PALLD: variants seen among roughly 807,000 people sequenced by gnomAD.
The protein encoded by PALLD is palladin.
In PALLD, 61 loss-of-function variants were observed where a neutral mutation model predicts 123.5. The ratio of observed to expected loss-of-function variants is 0.49; its 90% CI spans 0.40 to 0.61. The LOEUF is 0.61. PALLD is among the 20% of genes least tolerant of loss of function. The pLI, the probability that PALLD is intolerant of heterozygous loss-of-function variation, is 0.00. For missense variants in PALLD, 1,273 were observed against 1,377.0 expected, an observed-to-expected ratio of 0.92 and a Z score of 1.20; for synonymous variants, 465 against 496.4, an observed-to-expected ratio of 0.94 and a Z score of 0.84.
intron 10 of PALLD, among the ~76,000 whole-genome samples, chr4:168,782,204 A>C (rs1328795250): frequency 6.6e-6 from 1 of 152,258 alleles, no homozygotes; most frequent in Non-Finnish European, 1.5e-5. Flanking sequence ...GAGGCGCAAC[A>C]GAACTTCACG....
chr4:168,664,803 G>A (rs1023905253), intron 2 of PALLD, among the ~76,000 whole-genome samples: 1 of 148,236 alleles, frequency 6.7e-6, no homozygotes, highest in Non-Finnish European at 1.5e-5. Context: ...CAAATATTTT[G>A]ATGGCAGGCT....
chr4:168,627,462 A>G (rs1423131366), intron 2 of PALLD, among the ~76,000 whole-genome samples: 1 of 152,138 alleles, frequency 6.6e-6, no homozygotes, highest in Non-Finnish European at 1.5e-5. Context: ...GTGAGCCAAG[A>G]TTGTACAATT....
chr4:168,551,031 G>A (rs1262094452), intron 2 of PALLD, among the ~76,000 whole-genome samples: 2 of 152,276 alleles, frequency 1.3e-5, no homozygotes, highest in Non-Finnish European at 2.9e-5. Flanking sequence ...AAAGTTTAGA[G>A]TTATCTATGC....
In PALLD at chr4:168,901,645, G is replaced by A. The variant is rs545357569; in HGVS notation, c.2473-2112G>A. 5.9e-5 allele frequency among the ~76,000 whole-genome samples: 9 copies of A among 152,154 alleles called. No homozygotes were observed. The South Asian group carries it at 1.7e-3, about 28-fold the overall frequency. Reference sequence around the variant, plus strand: ...GGCTGAGGCAGGCAGATCTCTTGAGGTCAGGAGTTTAAGAACAGCCTGGCC... The same window carrying A: ...GGCTGAGGCAGGCAGATCTCTTGAGATCAGGAGTTTAAGAACAGCCTGGCC... On this transcript the variant is annotated intron_variant, in intron 14 of 21. Coordinates refer to ENST00000505667, the MANE Select transcript of PALLD (RefSeq NM_001166108.2).
At chr4:168,725,528 T>C (rs1319849252) in intron 10 of PALLD, among the ~76,000 whole-genome samples, 3 of 137,900 alleles carry the variant, frequency 2.2e-5, no homozygotes, top group Non-Finnish European at 4.7e-5. Context: ...ATTTCTTTTT[T>C]TTTTTTTTTT....
At chr4:168,773,535 A>T (rs1392752) in intron 10 of PALLD, among the ~76,000 whole-genome samples, 2 of 152,114 alleles carry the variant, frequency 1.3e-5, no homozygotes, top group African/African-American at 2.4e-5. Context: ...CAGCATTTTC[A>T]TCACTGCCAC....
intron 9 of PALLD, among the ~76,000 whole-genome samples, chr4:168,709,836 G>C (rs997737335): frequency 6.6e-6 from 1 of 151,946 alleles, no homozygotes; most frequent in Non-Finnish European, 1.5e-5. Flanking sequence ...CACACAGGGG[G>C]CTTTCTTTAA....
At chr4:168,555,000 T>A (rs987486138) in intron 2 of PALLD, among the ~76,000 whole-genome samples, 1 of 152,206 alleles carries the variant, frequency 6.6e-6, no homozygotes, top group Non-Finnish European at 1.5e-5. Context: ...TAATTTTGAG[T>A]GATTTTTTGT....
chr4:168,658,290 T>G (rs1276236004), intron 2 of PALLD, among the ~76,000 whole-genome samples: 3 of 148,396 alleles, frequency 2.0e-5, no homozygotes, highest in Non-Finnish European at 4.5e-5. Flanking sequence ...ATTTGGTTTT[T>G]TTTTTTTTTT....
At chr4:168,673,711 G>C (rs1021521519) in intron 3 of PALLD, among the ~76,000 whole-genome samples, 2 of 152,142 alleles carry the variant, frequency 1.3e-5, no homozygotes, top group Non-Finnish European at 2.9e-5. Context: ...TTCAGAGGCA[G>C]GTCCAAAACC....
At chr4:168,924,662 G>A (rs1012584528) in intron 19 of PALLD, among the ~76,000 whole-genome samples, 2 of 152,122 alleles carry the variant, frequency 1.3e-5, no homozygotes, top group African/African-American at 4.8e-5. Context: ...CTATCTAAAA[G>A]AAAAGATGAA....
At chr4:168,893,729 A>T (rs1161267788) in intron 11 of PALLD, among the ~76,000 whole-genome samples, 1 of 152,212 alleles carries the variant, frequency 6.6e-6, no homozygotes, top group East Asian at 1.9e-4. Context: ...GTATCACCCC[A>T]ACAGTCACAC....
chr4:168,742,571 A>G (rs1410676446), intron 10 of PALLD, among the ~76,000 whole-genome samples: 1 of 152,230 alleles, frequency 6.6e-6, no homozygotes, highest in Non-Finnish European at 1.5e-5. Context: ...TGTTCCATGA[A>G]CATACCGGAC....
chr4:168,904,087 T>C, intron 15 of PALLD, 181 bp downstream of exon 15: 1 of 632,204 alleles, frequency 1.6e-6, no homozygotes. Flanking sequence ...TCATGAATAC[T>C]TATTTATTCC....
chr4:168,737,138 C>CA (rs1281243205), intron 10 of PALLD, among the ~76,000 whole-genome samples: 1 of 152,198 alleles, frequency 6.6e-6, no homozygotes, highest in Non-Finnish European at 1.5e-5. Context: ...CTCTTTTAAA[C>CA]ACCCAGATTT....
At chr4:168,902,774 T>C (rs1293498411) in intron 14 of PALLD, among the ~76,000 whole-genome samples, 1 of 152,194 alleles carries the variant, frequency 6.6e-6, no homozygotes, top group African/African-American at 2.4e-5. Context: ...TTTACTTTTA[T>C]TTTTTACATT....
intron 2 of PALLD, among the ~76,000 whole-genome samples, chr4:168,642,558 C>A (rs540333646): frequency 6.6e-6 from 1 of 152,118 alleles, no homozygotes; most frequent in Non-Finnish European, 1.5e-5. Context: ...CCCGCCACCA[C>A]GCCCAGCTAA....
In PALLD at chr4:168,894,363, T is replaced by C; in HGVS notation, c.2101-216T>C. 3 of 574,018 alleles carry C rather than the reference T, an allele frequency of 5.2e-6. No homozygotes were observed. In the South Asian group the frequency reaches 6.0e-5, roughly 11 times the overall value. The allele number at this position is 574,018 out of a possible 1,614,324, so 35.6% of individuals were successfully genotyped here. On this transcript the variant is annotated intron_variant, in intron 11 of 21. Coordinates refer to ENST00000505667, the MANE Select transcript of PALLD (RefSeq NM_001166108.2). Reference sequence around the variant, plus strand: ...TCACTTTAAATTTGTGCTGTACCAATTGGTGGCTCTCTGGATTAGGCCATT... The same window carrying C: ...TCACTTTAAATTTGTGCTGTACCAACTGGTGGCTCTCTGGATTAGGCCATT...
At chr4:168,569,600 C>G (rs1379234493) in intron 2 of PALLD, among the ~76,000 whole-genome samples, 1 of 152,080 alleles carries the variant, frequency 6.6e-6, no homozygotes, top group Non-Finnish European at 1.5e-5. Flanking sequence ...GAATCAGTAA[C>G]GGTGATGATT....
Sources: allele counts gnomAD v4.1 joint callset (sites outside exome capture counted in the v4.1 genomes callset), GRCh38; gene constraint gnomAD v4.1.1; transcripts MANE v1.5; gene names NCBI Gene and HGNC (gene_info 2026-07-23, HGNC 2026-07-21).